RYR3: variants seen among roughly 807,000 people sequenced by gnomAD.
RYR3 encodes ryanodine receptor 3, also known as brain ryanodine receptor-calcium release channel.
RYR3 carries 207 observed loss-of-function variants against 584.3 expected under a neutral mutation model. The observed-to-expected ratio is 0.35, with a 90% CI of 0.32 to 0.40. The LOEUF (loss-of-function observed/expected upper bound fraction) is 0.40, where lower values mean the gene tolerates loss of function less well. Ranked by LOEUF, RYR3 falls within the 10% of genes least tolerant of loss-of-function variation. The pLI, the probability that RYR3 is intolerant of heterozygous loss-of-function variation, is 1.00. For synonymous variants in RYR3, 2,416 were observed against 2,248.5 expected, an observed-to-expected ratio of 1.07 and a Z score of -2.11; for missense variants, 5,616 against 6,089.2, an observed-to-expected ratio of 0.92 and a Z score of 2.59.
At chr15:33,394,863 G>A (rs544378042) in intron 1 of RYR3, among the ~76,000 whole-genome samples, 1 of 152,222 alleles carries the variant, frequency 6.6e-6, no homozygotes, top group South Asian at 2.1e-4. Flanking sequence ...GAGATGAATG[G>A]AAATAAATTT....
At chr15:33,472,041 A>G (rs557786031) in intron 1 of RYR3, among the ~76,000 whole-genome samples, 10 of 152,370 alleles carry the variant, frequency 6.6e-5, no homozygotes, top group South Asian at 4.1e-4. Context: ...AGTTTTCTTC[A>G]GTCTCAATTA....
intron 60 of RYR3, among the ~76,000 whole-genome samples, chr15:33,764,369 T>G (rs2072809325): frequency 6.6e-6 from 1 of 151,136 alleles, no homozygotes; most frequent in Non-Finnish European, 1.5e-5. Context: ...TAAGTGGGAG[T>G]TGAACAATGA....
intron 67 of RYR3, among the ~76,000 whole-genome samples, chr15:33,798,228 A>G (rs2075734553): frequency 6.6e-6 from 1 of 152,136 alleles, no homozygotes; most frequent in Non-Finnish European, 1.5e-5. Flanking sequence ...AGCTGGGATT[A>G]TAGGTGCCCA....
chr15:33,366,590 G>A (rs1975530685), intron 1 of RYR3, among the ~76,000 whole-genome samples: 1 of 152,220 alleles, frequency 6.6e-6, no homozygotes, highest in Non-Finnish European at 1.5e-5. Context: ...TGAGGCAACA[G>A]GGTGCTGTGC....
chr15:33,776,865 G>A (rs2074027602), intron 64 of RYR3, among the ~76,000 whole-genome samples: 1 of 152,224 alleles, frequency 6.6e-6, no homozygotes, highest in Non-Finnish European at 1.5e-5. Context: ...AAAGGAAAGT[G>A]CTACTTGTCA....
At chr15:33,788,679 C>T (rs1004671471) in intron 67 of RYR3, among the ~76,000 whole-genome samples, 18 of 152,218 alleles carry the variant, frequency 1.2e-4, no homozygotes, top group Non-Finnish European at 1.5e-5. Flanking sequence ...ATGGCCATCT[C>T]CTCCATCCTT....
chr15:33,584,529 G>GT, intron 15 of RYR3, 39 bp downstream of exon 15: 1 of 932,864 alleles, frequency 1.1e-6, no homozygotes. Flanking sequence ...AAAAGATGAA[G>GT]GGTTTTTTTT....
At chr15:33,317,216 G>C (rs545763682) in intron 1 of RYR3, among the ~76,000 whole-genome samples, 111 of 151,548 alleles carry the variant, frequency 7.3e-4, no homozygotes, top group African/African-American at 2.6e-3. Context: ...TTTTTCTTTC[G>C]CTCAAAGCAC....
intron 34 of RYR3, among the ~76,000 whole-genome samples, chr15:33,661,572 G>T (rs931429417): frequency 7.2e-5 from 11 of 151,982 alleles, no homozygotes; most frequent in African/African-American, 2.7e-4. Flanking sequence ...GGGGTAGAGG[G>T]GATGGTTTCA....
chr15:33,537,354 G>T (rs2055416013), intron 5 of RYR3, among the ~76,000 whole-genome samples: 1 of 151,956 alleles, frequency 6.6e-6, no homozygotes, highest in Admixed American at 6.6e-5. Context: ...GTTGGTTTTT[G>T]TTTTCTGGTT....
intron 18 of RYR3, among the ~76,000 whole-genome samples, chr15:33,607,465 A>G (rs750975489): frequency 2.4e-4 from 36 of 152,064 alleles, no homozygotes; most frequent in Non-Finnish European, 5.1e-4. Flanking sequence ...CTTGCAGTGG[A>G]TGGTCTCTAG....
At chr15:33,582,706 G>A (rs1260080408) in intron 14 of RYR3, among the ~76,000 whole-genome samples, 1 of 152,112 alleles carries the variant, frequency 6.6e-6, no homozygotes, top group Non-Finnish European at 1.5e-5. Flanking sequence ...TATGGCTTGA[G>A]ACCCAGCAGT....
chr15:33,492,053 T>G (rs904057099), intron 2 of RYR3, among the ~76,000 whole-genome samples: 1 of 152,228 alleles, frequency 6.6e-6, no homozygotes, highest in African/African-American at 2.4e-5. Flanking sequence ...GGATAGGTCT[T>G]TCTATTACCA....
chr15:33,725,974 C>CCTCCG lies in RYR3; in HGVS notation c.6913-411_6913-410insTCCGC, dbSNP rs571518638. On this transcript the variant is annotated intron_variant, in intron 45 of 103. Coordinates refer to ENST00000634891, the MANE Select transcript of RYR3 (RefSeq NM_001036.6). ...GACAGAGCAAGACTCCATCCCCCCCCCCAAAAAAAAAAAAAAAAAAAAACA... is the reference window on the plus strand; with the variant it reads ...GACAGAGCAAGACTCCATCCCCCCCCCTCCGCCAAAAAAAAAAAAAAAAAAAAACA... Among the ~76,000 whole-genome samples, 5 of 37,622 alleles carry CCTCCG rather than the reference C, an allele frequency of 1.3e-4. 1 individual carries two copies. Among genetic ancestry groups the CCTCCG allele is most frequent in the Non-Finnish European group, 2.8e-4 (5 of 17,682 alleles). The allele number at this position is 37,622 out of a possible 152,430, so 24.7% of individuals were successfully genotyped here. A position where few individuals can be genotyped will look rare whatever the true frequency, so the allele number is the denominator to read the frequency against.
At chr15:33,413,131 A>G (rs1446961449) in intron 1 of RYR3, among the ~76,000 whole-genome samples, 1 of 152,208 alleles carries the variant, frequency 6.6e-6, no homozygotes, top group African/African-American at 2.4e-5. Flanking sequence ...GAATTCTGGC[A>G]TGTATGCTTC....
intron 1 of RYR3, among the ~76,000 whole-genome samples, chr15:33,347,068 T>G (rs1377278493): frequency 6.6e-6 from 1 of 152,190 alleles, no homozygotes; most frequent in Non-Finnish European, 1.5e-5. Context: ...TTTCATCATG[T>G]CATATCATGG....
At chr15:33,860,772 C>G (rs775262695) in intron 101 of RYR3, 113 bp downstream of exon 101, 1 of 864,168 alleles carries the variant, frequency 1.2e-6, no homozygotes, top group African/African-American at 1.8e-5. Context: ...AGCAAGAACG[C>G]AGTTTGTTTT....
chr15:33,628,530 G>A lies in RYR3; in HGVS notation c.2634G>A (p.Glu878=). 1 of 1,613,840 alleles carries A rather than the reference G, an allele frequency of 6.2e-7. No individual in the cohort carries two copies. Among genetic ancestry groups the A allele is most frequent in the Non-Finnish European group, 8.5e-7 (1 of 1,179,758 alleles). ...ACAGACTAGCTGAAAACATCCATGA[G>A]CTTTGGGGAATGAATAAAATAGAAC... The part of the protein sequence containing the change: ...IRDRLAENIH[E]LWGMNKIELG... Residue 878 remains glutamate, a synonymous_variant, in exon 21 of 104, where the codon GAG becomes GAA. Coordinates refer to ENST00000634891, the MANE Select transcript of RYR3 (RefSeq NM_001036.6).
intron 3 of RYR3, among the ~76,000 whole-genome samples, chr15:33,517,281 C>T (rs2053600033): frequency 6.6e-6 from 1 of 152,252 alleles, no homozygotes; most frequent in South Asian, 2.1e-4. Flanking sequence ...GTGTGAGCCA[C>T]TGTGCCCAGC....
Sources: gnomAD v4.1 joint callset for allele counts (sites outside exome capture counted in the v4.1 genomes callset) on GRCh38, gnomAD v4.1.1 for gene constraint, MANE v1.5 for transcripts, NCBI Gene and HGNC (gene_info 2026-07-23, HGNC 2026-07-21) for gene names.